Variants in AAK1 observed in about 807,000 individuals in gnomAD.
The protein encoded by AAK1 is AP2-associated protein kinase 1.
A neutral mutation model predicts 116.0 loss-of-function variants in AAK1; 37 were observed. The observed-to-expected ratio is 0.32, with a 90% CI of 0.25 to 0.42. AAK1 has a LOEUF of 0.42. Among genes scored for constraint, AAK1 ranks in the 10% least tolerant of loss-of-function variants. The pLI is 1.00. For missense variants in AAK1, 919 were observed against 1,170.6 expected (o/e 0.79, Z 3.14); for synonymous variants, 458 against 439.9 (o/e 1.04, Z -0.51).
At chr2:69,587,477 A>ATATATATT (rs1553418808) in intron 2 of AAK1, among the ~76,000 whole-genome samples, 2 of 145,612 alleles carry the variant, frequency 1.4e-5, no homozygotes, top group African/African-American at 5.3e-5. Context: ...ATATATATAT[A>ATATATATT]TTTTTTTGAT....
chr2:69,461,817 C>T lies in AAK1; in HGVS notation c.*14052G>A. 1 of 271,694 alleles carries T rather than the reference C, an allele frequency of 3.7e-6. No individual in the cohort carries two copies. The highest frequency in any genetic ancestry group is 3.0e-5 in the South Asian group (1 of 33,776). The allele number at this position is 271,694 out of a possible 1,614,324, so 16.8% of individuals were successfully genotyped here. ...ATGTTGGCCAGGCTGGTCTCAAACT[C>T]CTACCCTCAAGTGATCCACCCACCT... On this transcript the variant is annotated 3_prime_UTR_variant, in exon 22 of 22. Transcript: ENST00000409085.
At chr2:69,482,369 AAG>A in intron 18 of AAK1, 3 of 537,252 alleles carry the variant, frequency 5.6e-6, no homozygotes, top group Non-Finnish European at 9.8e-6. Context: ...AAAAAAAAAA[AAG>A]AAGAATCTGC....
chr2:69,514,532 C>A lies in AAK1; in HGVS notation c.1715G>T (p.Gly572Val). 5.8e-6 allele frequency: 9 copies of A among 1,551,914 alleles called. No homozygotes were observed. The highest frequency in any genetic ancestry group is 7.8e-6 in the Non-Finnish European group (9 of 1,147,298). ...ALQQKPTMAA[G>V]QQPQPQPAAA... is the part of the protein sequence containing the mutation. ...AGCTGGCTGTGGCTGGGGCTGCTGT[C>A]CTGCTGCCATAGTGGGCTTTTGCTG... The change falls in exon 13 of 22, where the codon GGA becomes GTA. Residue 572 changes from glycine (G) to valine (V), a missense_variant. By Grantham distance (109) the Gly-to-Val change is moderately radical. This residue lies in a region of AAK1 where 214 missense variants were observed against 210.6 expected (regional missense o/e 1.02). Transcript: ENST00000409085.
At chr2:69,538,108 T>C (rs1221645561) in intron 5 of AAK1, among the ~76,000 whole-genome samples, 1 of 152,228 alleles carries the variant, frequency 6.6e-6, no homozygotes, top group Non-Finnish European at 1.5e-5. Flanking sequence ...GGGACAACTG[T>C]GTGTATTCTC....
intron 2 of AAK1, among the ~76,000 whole-genome samples, chr2:69,567,312 T>C (rs746720999): frequency 6.6e-6 from 1 of 152,176 alleles, no homozygotes; most frequent in Non-Finnish European, 1.5e-5. Context: ...TCCCATATGA[T>C]TAAGTTCTTT....
At position 69,550,548 on chromosome 2, in the gene AAK1, C is replaced by T. The variant is rs150452193; in HGVS notation, c.283-6004G>A. On this transcript the variant is annotated intron_variant, in intron 3 of 21. Transcript: ENST00000409085. The stretch of plus-strand genomic sequence containing the variant: ...TCATCTCTTGACCTCATGATCCGAC[C>T]GCCCAAAGTGCTGGGAGTATAGACG... Among the ~76,000 whole-genome samples, 300 of 151,976 alleles carry T rather than the reference C, an allele frequency of 2.0e-3. 1 individual carries two copies. Among genetic ancestry groups the T allele is most frequent in the African/African-American group, 6.8e-3 (282 of 41,454 alleles).
rs1674331518 is a variant in AAK1 at position 69,461,137 on chromosome 2, T to C, written c.*14732A>G. The C allele has an allele frequency of 6.6e-6, 1 of 152,276 alleles. No individual in the cohort carries two copies. The highest frequency in any genetic ancestry group is 1.5e-5 in the Non-Finnish European group (1 of 68,074). 9.4% of individuals were successfully genotyped at this position (152,276 alleles called of 1,614,324 possible). ...TACCATATTTTTACTGTACCTTTTCTATGTCTAAAATGTTTGGATACAGAA... is the reference window on the plus strand; with the variant it reads ...TACCATATTTTTACTGTACCTTTTCCATGTCTAAAATGTTTGGATACAGAA... On this transcript the variant is annotated 3_prime_UTR_variant, in exon 22 of 22. Transcript: ENST00000409085.
Position 69,642,874 on chromosome 2 carries a change from G to C in AAK1, c.163+4C>G. 6.2e-7 allele frequency: 1 copy of C among 1,613,740 alleles called. No individual in the cohort carries two copies. Among genetic ancestry groups the C allele is most frequent in the Non-Finnish European group, 8.5e-7 (1 of 1,179,856 alleles). ...AATTTACGGCGCATTGAGCCCCACC[G>C]TACCTTCCGCCAACACCTCGTCCAC... On this transcript the variant is annotated splice_donor_region_variant and intron_variant, in intron 2 of 21. Transcript: ENST00000409085.
intron 16 of AAK1, among the ~76,000 whole-genome samples, chr2:69,497,097 G>A (rs941031537): frequency 3.9e-5 from 6 of 151,970 alleles, no homozygotes; most frequent in African/African-American, 1.4e-4. Flanking sequence ...ACTAGCCAGA[G>A]GTAGGATCAG....
intron 2 of AAK1, among the ~76,000 whole-genome samples, chr2:69,604,594 G>A (rs1287139841): frequency 6.6e-6 from 1 of 152,180 alleles, no homozygotes; most frequent in Non-Finnish European, 1.5e-5. Context: ...GACACTGAAG[G>A]AACATACGAG....
At chr2:69,620,988 T>C (rs960659448) in intron 2 of AAK1, among the ~76,000 whole-genome samples, 7 of 152,352 alleles carry the variant, frequency 4.6e-5, no homozygotes, top group Admixed American at 2.6e-4. Context: ...TTAAAAAGCA[T>C]ACCCTTTGCC....
intron 2 of AAK1, among the ~76,000 whole-genome samples, chr2:69,632,748 A>C (rs1675245785): frequency 6.6e-6 from 1 of 151,968 alleles, no homozygotes; most frequent in Non-Finnish European, 1.5e-5. Context: ...AATACAAAAA[A>C]AAAAGCCGGG....
rs80336031 is a variant in AAK1, at chr2:69,466,267, G to A, written c.*9602C>T. 2.2e-5 allele frequency: 29 copies of A among 1,289,640 alleles called. No individual in the cohort carries two copies. The highest frequency in any genetic ancestry group is 2.8e-5 in the Non-Finnish European group (28 of 988,864). 79.9% of individuals were successfully genotyped at this position (1,289,640 alleles called of 1,614,324 possible). ...GCTCCTCCCAGCTTCCCCGGGGGGG[G>A]TCTGCAGCTCTCATCTTCTTCTTCA... On this transcript the variant is annotated 3_prime_UTR_variant, in exon 22 of 22. Coordinates refer to ENST00000409085, the MANE Select transcript of AAK1 (RefSeq NM_014911.5).
At chr2:69,601,984 C>T (rs898635713) in intron 2 of AAK1, among the ~76,000 whole-genome samples, 1 of 152,172 alleles carries the variant, frequency 6.6e-6, no homozygotes, top group Non-Finnish European at 1.5e-5. Context: ...GGCATCAGGA[C>T]CTCTTGTTAT....
intron 2 of AAK1, among the ~76,000 whole-genome samples, chr2:69,590,457 A>C (rs1177378473): frequency 6.6e-6 from 1 of 152,172 alleles, no homozygotes; most frequent in Non-Finnish European, 1.5e-5. Flanking sequence ...CCACCCCCAG[A>C]CTGCCATTCC....
In AAK1 at chr2:69,460,705, G is replaced by A. The variant is rs1674318430; in HGVS notation, c.*15164C>T. 1 of 152,180 alleles carries A rather than the reference G, an allele frequency of 6.6e-6. No homozygotes were observed. The highest frequency in any genetic ancestry group is 2.1e-4 in the South Asian group (1 of 4,830). 9.4% of individuals were successfully genotyped at this position (152,180 alleles called of 1,614,324 possible). A position where few individuals can be genotyped will look rare whatever the true frequency, so the allele number is the denominator to read the frequency against. On this transcript the variant is annotated 3_prime_UTR_variant, in exon 22 of 22. Transcript: ENST00000409085. ...ACCTAGACTCCCTGGGTGCTGCTCA[G>A]CAGCTGCTTCAGCATCAAATTGTGT...
intron 2 of AAK1, among the ~76,000 whole-genome samples, chr2:69,564,418 A>G (rs986644051): frequency 1.0e-4 from 15 of 145,052 alleles, no homozygotes; most frequent in African/African-American, 3.6e-4. Flanking sequence ...GAAAGGCTAG[A>G]AAAAAAAAAA....
At chr2:69,552,517 G>A (rs1671222684) in intron 3 of AAK1, among the ~76,000 whole-genome samples, 1 of 152,084 alleles carries the variant, frequency 6.6e-6, no homozygotes, top group African/African-American at 2.4e-5. Flanking sequence ...TTGAGGACCA[G>A]CCTGGCCAAC....
Position 69,596,047 on chromosome 2 carries a change from C to G in AAK1, c.164-39069G>C, listed in dbSNP as rs1035762880. Among the ~76,000 whole-genome samples the G allele has an allele frequency of 1.3e-4, 20 of 152,232 alleles. 1 individual carries two copies. The highest frequency in any genetic ancestry group is 2.6e-4 in the Non-Finnish European group (18 of 68,026). On this transcript the variant is annotated intron_variant, in intron 2 of 21. Transcript: ENST00000409085. Reference sequence around the variant, plus strand: ...GAATGGTTAACTGAATAATTTAAGCCCACTGCAGACTTACTACTCAGGAAA... The same window carrying G: ...GAATGGTTAACTGAATAATTTAAGCGCACTGCAGACTTACTACTCAGGAAA...
Sources: gnomAD v4.1 joint callset for allele counts (sites outside exome capture counted in the v4.1 genomes callset) on GRCh38, gnomAD v4.1.1 for gene constraint, gnomAD v4.1.1 regional missense constraint, MANE v1.5 for transcripts, NCBI Gene and HGNC (gene_info 2026-07-23, HGNC 2026-07-21) for gene names.